SPMAP2L: variants seen among roughly 807,000 people sequenced by gnomAD.
SPMAP2L encodes sperm microtubule associated protein 2 like.
chr4:56,535,095 C>A, the SPMAP2L span, among the ~76,000 whole-genome samples: 2 of 152,136 alleles, frequency 1.3e-5, no homozygotes, highest in Non-Finnish European at 2.9e-5. Flanking sequence ...TCATTCTTGA[C>A]GCCTGTTTTT....
At chr4:56,543,100 CTTT>C in the SPMAP2L span, among the ~76,000 whole-genome samples, 1 of 143,940 alleles carries the variant, frequency 6.9e-6, no homozygotes. Flanking sequence ...TTATGTTTTG[CTTT>C]TTTTTTTTTG....
At chr4:56,593,359 C>T in the SPMAP2L span, 3 of 1,213,520 alleles carry the variant, frequency 2.5e-6, no homozygotes, top group East Asian at 2.3e-5. Context: ...TGTCCAGACT[C>T]GAGCCAAATA....
At chr4:56,581,217 G>A in the SPMAP2L span, among the ~76,000 whole-genome samples, 1 of 152,098 alleles carries the variant, frequency 6.6e-6, no homozygotes, top group African/African-American at 2.4e-5. Context: ...CACTTTGGGA[G>A]GCCGAGGCAG....
chr4:56,544,181 A>G, the SPMAP2L span, among the ~76,000 whole-genome samples: 1 of 151,538 alleles, frequency 6.6e-6, no homozygotes, highest in African/African-American at 2.4e-5. Context: ...TAGAGATGGA[A>G]TTTCACCATG....
At chr4:56,597,074 G>A in the SPMAP2L span, among the ~76,000 whole-genome samples, 2 of 152,166 alleles carry the variant, frequency 1.3e-5, no homozygotes, top group Non-Finnish European at 2.9e-5. Context: ...AATGACTGTG[G>A]GGCAGGGTGG....
chr4:56,618,142 T>C, the SPMAP2L span, among the ~76,000 whole-genome samples: 1 of 152,158 alleles, frequency 6.6e-6, no homozygotes, highest in Non-Finnish European at 1.5e-5. Flanking sequence ...GGTAGAGCCC[T>C]GGCCAGTGAT....
the SPMAP2L span, chr4:56,593,885 A>G: frequency 1.9e-6 from 3 of 1,610,310 alleles, no homozygotes; most frequent in Admixed American, 3.3e-5. Flanking sequence ...TATTGCTAGG[A>G]GAGTACATAA....
the SPMAP2L span, among the ~76,000 whole-genome samples, chr4:56,607,853 C>T: frequency 6.6e-6 from 1 of 151,610 alleles, no homozygotes; most frequent in Admixed American, 6.6e-5. Flanking sequence ...AAAAACTAGC[C>T]AAGCATGGTG....
the SPMAP2L span, chr4:56,603,085 T>G: frequency 1.9e-6 from 1 of 533,802 alleles, no homozygotes; most frequent in Non-Finnish European, 3.2e-6. Flanking sequence ...ATCTGTATAG[T>G]GGAGGTCATG....
At chr4:56,613,651 T>A in the SPMAP2L span, among the ~76,000 whole-genome samples, 1 of 152,330 alleles carries the variant, frequency 6.6e-6, no homozygotes, top group Admixed American at 6.5e-5. Flanking sequence ...GCTCCTGGCT[T>A]CAGGAAACTT....
the SPMAP2L span, among the ~76,000 whole-genome samples, chr4:56,580,105 G>A: frequency 6.6e-6 from 1 of 152,050 alleles, no homozygotes; most frequent in South Asian, 2.1e-4. Context: ...AACCAGAAAA[G>A]ATGATTACCA....
the SPMAP2L span, among the ~76,000 whole-genome samples, chr4:56,586,665 C>G: frequency 3.3e-5 from 5 of 152,152 alleles, no homozygotes; most frequent in Non-Finnish European, 7.3e-5. Flanking sequence ...TGGCTTAGAC[C>G]TTTCTTGTCA....
chr4:56,544,215 C>T, the SPMAP2L span, among the ~76,000 whole-genome samples: 7 of 152,110 alleles, frequency 4.6e-5, no homozygotes, highest in Non-Finnish European at 1.5e-5. Context: ...TCTCGAACTC[C>T]TGAGCTCAAG....
chr4:56,573,473 C>G, the SPMAP2L span, among the ~76,000 whole-genome samples: 2,236 of 152,166 alleles, frequency 0.015, 25 homozygotes, highest in Middle Eastern at 0.044. Context: ...TTGGGCCTTT[C>G]CCCTCGGCTC....
chr4:56,600,097 C>CTTTTTTTTTTTTTTTTTTTTTTTTT, the SPMAP2L span, among the ~76,000 whole-genome samples: 5 of 87,804 alleles, frequency 5.7e-5, no homozygotes, highest in African/African-American at 2.0e-4. Context: ...TCTTTGCTTT[C>CTTTTTTTTTTTTTTTTTTTTTTTTT]TTTTTTTTTT....
the SPMAP2L span, chr4:56,593,561 T>G: frequency 4.4e-6 from 7 of 1,602,230 alleles, no homozygotes; most frequent in Non-Finnish European, 6.0e-6. Flanking sequence ...TTTGTGCATC[T>G]TGAGGCCACC....
chr4:56,586,162 C>T, the SPMAP2L span, among the ~76,000 whole-genome samples: 1 of 152,174 alleles, frequency 6.6e-6, no homozygotes, highest in Non-Finnish European at 1.5e-5. Context: ...GGCTCCTTTA[C>T]ACTTGTCTTA....
the SPMAP2L span, among the ~76,000 whole-genome samples, chr4:56,536,824 C>T: frequency 6.6e-6 from 1 of 152,140 alleles, no homozygotes; most frequent in South Asian, 2.1e-4. Flanking sequence ...AGTGCAGTGG[C>T]ATGATCTTGG....
the SPMAP2L span, among the ~76,000 whole-genome samples, chr4:56,533,699 G>C: frequency 6.6e-6 from 1 of 151,048 alleles, no homozygotes; most frequent in Non-Finnish European, 1.5e-5. Flanking sequence ...TGTAATCCCA[G>C]CACTTTGAGA....
Sources: allele counts gnomAD v4.1 joint callset (sites outside exome capture counted in the v4.1 genomes callset), GRCh38; gene constraint gnomAD v4.1.1; transcripts MANE v1.5; gene names NCBI Gene and HGNC (gene_info 2026-07-23, HGNC 2026-07-21).